The following CCDC152 variants were observed in gnomAD, a reference collection of about 807,000 sequenced individuals.
The protein encoded by CCDC152 is coiled-coil domain containing 152.
A neutral mutation model predicts 38.1 loss-of-function variants in CCDC152; 37 were observed. The observed-to-expected ratio is 0.97, with a 90% CI of 0.75 to 1.28. The LOEUF is 1.28. CCDC152 is among the 50% of genes most tolerant of loss of function. CCDC152 has a pLI of 0.00. For missense variants in CCDC152, 259 were observed against 292.1 expected, an observed-to-expected ratio of 0.89 and a Z score of 0.83; for synonymous variants, 83 against 87.1, an observed-to-expected ratio of 0.95 and a Z score of 0.26.
At chr5:42,770,498 C>CTT (rs11290226) in intron 4 of CCDC152, among the ~76,000 whole-genome samples, 1 of 148,420 alleles carries the variant, frequency 6.7e-6, no homozygotes, top group African/African-American at 2.5e-5. Context: ...ATCTACATGT[C>CTT]TTTTTTTTTT....
chr5:42,764,252 A>G (rs903753999), intron 3 of CCDC152, among the ~76,000 whole-genome samples: 3 of 152,166 alleles, frequency 2.0e-5, no homozygotes, highest in Non-Finnish European at 4.4e-5. Context: ...TCTACTAAAA[A>G]TACAAAAATT....
chr5:42,792,905 G>A (rs989527973), intron 6 of CCDC152, among the ~76,000 whole-genome samples: 12 of 152,154 alleles, frequency 7.9e-5, no homozygotes, highest in African/African-American at 2.9e-4. Context: ...TCATTGTCAT[G>A]GCGCCACATA....
In CCDC152 at chr5:42,796,877, TG is replaced by T. The variant is rs1275556368; in HGVS notation, c.481del (p.Glu161LysfsTer5). On this transcript the variant is annotated frameshift_variant, in exon 7 of 9. Transcript: ENST00000361970. LOFTEE classifies it high-confidence loss of function. ...KHKELIEKKE[M>X]EISELNAKLR... ...AAAGAACTAATAGAGAAAAAGGAGA[TG>T]GAAATTTCAGAGTTAAATGCAAAGC... The T allele has an allele frequency of 6.5e-7, 1 of 1,528,638 alleles. No homozygotes were observed. Among genetic ancestry groups the T allele is most frequent in the Non-Finnish European group, 8.8e-7 (1 of 1,139,772 alleles). The allele number at this position is 1,528,638 out of a possible 1,614,324, so 94.7% of individuals were successfully genotyped here.
At chr5:42,777,559 A>G (rs1759785848) in intron 4 of CCDC152, among the ~76,000 whole-genome samples, 1 of 152,150 alleles carries the variant, frequency 6.6e-6, no homozygotes, top group South Asian at 2.1e-4. Flanking sequence ...TGTGAAATGG[A>G]CTAATTTCTT....
At chr5:42,795,553 C>A (rs555802578) in intron 6 of CCDC152, among the ~76,000 whole-genome samples, 9 of 152,144 alleles carry the variant, frequency 5.9e-5, no homozygotes, top group Admixed American at 5.2e-4. Flanking sequence ...ATGATATACC[C>A]AATAAATGCG....
intron 6 of CCDC152, among the ~76,000 whole-genome samples, chr5:42,794,140 TAGGA>T (rs767354085): frequency 5.3e-4 from 81 of 152,154 alleles, no homozygotes; most frequent in Non-Finnish European, 9.3e-4. Flanking sequence ...ATGTGAGATA[TAGGA>T]ACTGGTAGTA....
At chr5:42,773,369 T>A (rs1221593431) in intron 4 of CCDC152, among the ~76,000 whole-genome samples, 1 of 152,198 alleles carries the variant, frequency 6.6e-6, no homozygotes, top group African/African-American at 2.4e-5. Context: ...TCAAAGCCAG[T>A]CATCTTACAA....
At chr5:42,762,597 T>C in intron 3 of CCDC152, 49 bp downstream of exon 3, 1 of 973,188 alleles carries the variant, frequency 1.0e-6, no homozygotes. Context: ...AAAGTGTTTT[T>C]CAGTTCAACA....
intron 6 of CCDC152, 136 bp from the exon 7 acceptor site, chr5:42,796,693 C>G (rs1760080254): frequency 1.7e-6 from 1 of 596,278 alleles, no homozygotes; most frequent in South Asian, 2.6e-5. Flanking sequence ...CTATTCTATA[C>G]CTACACCATT....
At chr5:42,797,063 C>A in intron 7 of CCDC152, 107 bp downstream of exon 7, 2 of 814,028 alleles carry the variant, frequency 2.5e-6, no homozygotes, top group South Asian at 1.8e-5. Context: ...AGAAGCAATT[C>A]TGTGAGAGGG....
intron 6 of CCDC152, among the ~76,000 whole-genome samples, chr5:42,793,759 T>A (rs1265086708): frequency 6.6e-6 from 1 of 152,118 alleles, no homozygotes. Context: ...CAGGCACGTG[T>A]CACCATCCCT....
At chr5:42,787,707 C>A (rs987359072) in intron 6 of CCDC152, among the ~76,000 whole-genome samples, 4 of 151,754 alleles carry the variant, frequency 2.6e-5, no homozygotes, top group African/African-American at 9.7e-5. Flanking sequence ...TATATAATGC[C>A]CTTCTTTGTC....
At chr5:42,771,024 A>G (rs1017331608) in intron 4 of CCDC152, among the ~76,000 whole-genome samples, 2 of 152,182 alleles carry the variant, frequency 1.3e-5, no homozygotes, top group African/African-American at 4.8e-5. Flanking sequence ...TAGGTTTTCT[A>G]AGTATATAGT....
At chr5:42,775,127 TAAAG>T (rs944037346) in intron 4 of CCDC152, among the ~76,000 whole-genome samples, 5 of 143,380 alleles carry the variant, frequency 3.5e-5, no homozygotes, top group African/African-American at 7.7e-5. Flanking sequence ...AGAAGAAAAA[TAAAG>T]AAAGAAAGGA....
At chr5:42,772,165 G>GA (rs1005734284) in intron 4 of CCDC152, among the ~76,000 whole-genome samples, 1 of 151,994 alleles carries the variant, frequency 6.6e-6, no homozygotes, top group South Asian at 2.1e-4. Context: ...AAAATGAATA[G>GA]AAAAAAACAC....
intron 5 of CCDC152, among the ~76,000 whole-genome samples, chr5:42,780,388 GA>G (rs1198612584): frequency 6.6e-6 from 1 of 152,096 alleles, no homozygotes. Flanking sequence ...AAGTATTTCT[GA>G]AATGAATCCT....
At chr5:42,775,304 G>C (rs1759756653) in intron 4 of CCDC152, among the ~76,000 whole-genome samples, 1 of 151,882 alleles carries the variant, frequency 6.6e-6, no homozygotes, top group Non-Finnish European at 1.5e-5. Context: ...AAAAAACAAA[G>C]AAAAAATTTT....
chr5:42,788,274 G>A (rs1579719555), intron 6 of CCDC152, among the ~76,000 whole-genome samples: 3 of 149,326 alleles, frequency 2.0e-5, no homozygotes, highest in East Asian at 2.0e-4. Context: ...CTTCTGGCTT[G>A]TAAGGCTTCT....
chr5:42,762,689 T>C, intron 3 of CCDC152, 141 bp downstream of exon 3: 1 of 615,134 alleles, frequency 1.6e-6, no homozygotes, highest in Non-Finnish European at 2.9e-6. Context: ...TTTATATCCT[T>C]ACTATAGCCC....
Sources: gnomAD v4.1 joint callset for allele counts (sites outside exome capture counted in the v4.1 genomes callset) on GRCh38, gnomAD v4.1.1 for gene constraint, MANE v1.5 for transcripts, NCBI Gene and HGNC (gene_info 2026-07-23, HGNC 2026-07-21) for gene names.